The following TTC7B variants were observed in gnomAD, a reference collection of about 807,000 sequenced individuals.
TTC7B encodes tetratricopeptide repeat protein 7B.
In TTC7B, 28 loss-of-function variants were observed where a neutral mutation model predicts 106.8. That is an observed-to-expected ratio of 0.26 (90% CI 0.19 to 0.36). TTC7B has a LOEUF of 0.36. Among genes scored for constraint, TTC7B ranks in the 10% least tolerant of loss-of-function variants. The pLI, the probability that TTC7B is intolerant of heterozygous loss-of-function variation, is 1.00. For missense variants in TTC7B, 862 were observed against 1,076.4 expected (o/e 0.80, Z 2.79); for synonymous variants, 405 against 430.6 (o/e 0.94, Z 0.74).
At chr14:90,605,875 T>A (rs1415148998) in intron 17 of TTC7B, 7 of 700,724 alleles carry the variant, frequency 1.0e-5, no homozygotes, top group African/African-American at 1.9e-5. Flanking sequence ...AATGAGGTCA[T>A]GTAATACACA....
rs374713029 is a variant in TTC7B at position 90,808,210 on chromosome 14, C to A, written c.121+7965G>T. On this transcript the variant is annotated intron_variant, in intron 1 of 19. Transcript: ENST00000328459. This position sits in a 1 kb window ranked among gnomAD's most constrained non-coding sequence, Gnocchi z 4.2. ...CCTGTAATCCCAGCACTTTGGGAGG[C>A]CGAGGGAAGAAGATCACTTGAGCCC... 1.3e-5 allele frequency among the ~76,000 whole-genome samples: 2 copies of A among 152,104 alleles called. No homozygotes were observed. The highest frequency in any genetic ancestry group is 1.9e-4 in the East Asian group (1 of 5,196).
chr14:90,760,165 G>A (rs1035851574), intron 3 of TTC7B, among the ~76,000 whole-genome samples: 1 of 152,182 alleles, frequency 6.6e-6, no homozygotes, highest in African/African-American at 2.4e-5. Flanking sequence ...GTGTCACCAA[G>A]GGCGGACTCA....
intron 9 of TTC7B, among the ~76,000 whole-genome samples, chr14:90,659,231 G>A (rs530964410): frequency 8.7e-6 from 1 of 115,538 alleles, no homozygotes; most frequent in East Asian, 2.2e-4. Flanking sequence ...GTGTGTGTGT[G>A]AGAGAGAGAG....
intron 18 of TTC7B, among the ~76,000 whole-genome samples, chr14:90,581,362 G>A (rs1891484364): frequency 6.6e-6 from 1 of 152,206 alleles, no homozygotes; most frequent in Admixed American, 6.5e-5. Context: ...CTGTCCTTTA[G>A]TTTGGACCAG....
chr14:90,555,312 G>A (rs1890256009), intron 19 of TTC7B, among the ~76,000 whole-genome samples: 1 of 152,194 alleles, frequency 6.6e-6, no homozygotes, highest in Non-Finnish European at 1.5e-5. Context: ...AGTCTGCCTG[G>A]CACTGCAGGC....
chr14:90,737,290 CAT>C (rs140395361), intron 4 of TTC7B, among the ~76,000 whole-genome samples: 11,635 of 152,116 alleles, frequency 0.076, 984 homozygotes, highest in African/African-American at 0.21. Context: ...AAACTGAAAA[CAT>C]ATGTCTACAC....
chr14:90,645,125 G>T (rs969588499), intron 14 of TTC7B: 3 of 152,204 alleles, frequency 2.0e-5, no homozygotes, highest in African/African-American at 7.2e-5. Flanking sequence ...GATGGCTTCC[G>T]GTCTCGCTCC....
At chr14:90,704,037 C>A (rs985473778) in intron 5 of TTC7B, among the ~76,000 whole-genome samples, 5 of 152,208 alleles carry the variant, frequency 3.3e-5, no homozygotes, top group African/African-American at 9.6e-5. Context: ...GCCAGGCATG[C>A]ACTGAGATGG....
intron 5 of TTC7B, chr14:90,698,730 A>G (rs1887864758): frequency 6.4e-6 from 1 of 155,216 alleles, no homozygotes; most frequent in Non-Finnish European, 1.4e-5. Flanking sequence ...GGCTGGGACC[A>G]AGGAGGAAAG....
At chr14:90,800,023 A>T (rs975416452) in intron 1 of TTC7B, among the ~76,000 whole-genome samples, 2 of 151,948 alleles carry the variant, frequency 1.3e-5, no homozygotes, top group African/African-American at 2.4e-5. Flanking sequence ...TAGTAGAGTC[A>T]GGGTTTCACC....
intron 15 of TTC7B, among the ~76,000 whole-genome samples, chr14:90,632,445 A>C (rs1395415818): frequency 6.6e-6 from 1 of 152,232 alleles, no homozygotes; most frequent in Non-Finnish European, 1.5e-5. Context: ...TTGCCAAGTA[A>C]TGATTTAAAA....
At chr14:90,602,702 G>GAA (rs77011716) in intron 17 of TTC7B, among the ~76,000 whole-genome samples, 9 of 124,838 alleles carry the variant, frequency 7.2e-5, no homozygotes, top group Admixed American at 8.1e-5. Flanking sequence ...GTCTCAAAAA[G>GAA]AAAAAAAAAA....
At chr14:90,605,575 A>G in intron 17 of TTC7B, 2 of 1,266,338 alleles carry the variant, frequency 1.6e-6, no homozygotes, top group African/African-American at 1.5e-5. Context: ...AGGTCTCACA[A>G]GAAAGGAAAA....
At chr14:90,546,524 C>T (rs921815972) in intron 19 of TTC7B, among the ~76,000 whole-genome samples, 5 of 152,138 alleles carry the variant, frequency 3.3e-5, no homozygotes, top group Non-Finnish European at 5.9e-5. Flanking sequence ...CAGCTGCTGT[C>T]GGTCAGCTTG....
intron 3 of TTC7B, among the ~76,000 whole-genome samples, chr14:90,769,226 CAACT>C (rs1190992602): frequency 2.6e-5 from 4 of 151,902 alleles, no homozygotes; most frequent in African/African-American, 4.8e-5. Flanking sequence ...CAAAAAAAAT[CAACT>C]AACAAAAGAA....
intron 15 of TTC7B, among the ~76,000 whole-genome samples, chr14:90,626,151 C>T (rs1208751628): frequency 6.6e-6 from 1 of 152,138 alleles, no homozygotes; most frequent in African/African-American, 2.4e-5. Flanking sequence ...CTGCCATGGT[C>T]TGATTTTAAA....
intron 5 of TTC7B, among the ~76,000 whole-genome samples, chr14:90,711,364 T>C (rs565156159): frequency 6.6e-6 from 1 of 152,344 alleles, no homozygotes; most frequent in East Asian, 1.9e-4. Flanking sequence ...ATTAAGTCAA[T>C]ACTAACTTGA....
intron 19 of TTC7B, among the ~76,000 whole-genome samples, chr14:90,573,749 G>C (rs564779461): frequency 1.0e-3 from 155 of 152,324 alleles, no homozygotes; most frequent in Non-Finnish European, 1.9e-3. Context: ...AGCCCTGGCT[G>C]ACCCCTGCCA....
At chr14:90,697,728 G>T (rs1201622547) in intron 5 of TTC7B, 2 of 152,160 alleles carry the variant, frequency 1.3e-5, no homozygotes, top group African/African-American at 4.8e-5. Flanking sequence ...CCCCGTTAAG[G>T]TGCAAGACGG....
Sources: allele counts gnomAD v4.1 joint callset (sites outside exome capture counted in the v4.1 genomes callset), GRCh38; gene constraint gnomAD v4.1.1; non-coding constraint Gnocchi (gnomAD v3.1); transcripts MANE v1.5; gene names NCBI Gene and HGNC (gene_info 2026-07-23, HGNC 2026-07-21).